Variants in ETV1 observed in about 807,000 individuals in gnomAD.
ETV1 encodes the protein ETS translocation variant 1.
ETV1 carries 27 observed loss-of-function variants against 62.3 expected under a neutral mutation model. The observed-to-expected ratio is 0.43, with a 90% CI of 0.32 to 0.60. The LOEUF is 0.60. Among genes scored for constraint, ETV1 ranks in the 20% least tolerant of loss-of-function variants. The pLI is 0.06. For missense variants in ETV1, 605 were observed against 605.8 expected, an observed-to-expected ratio of 1.00 and a Z score of 0.01; for synonymous variants, 222 against 199.6, an observed-to-expected ratio of 1.11 and a Z score of -0.94.
chr7:13,983,827 G>A (rs529014530), intron 5 of ETV1, among the ~76,000 whole-genome samples: 2 of 151,768 alleles, frequency 1.3e-5, no homozygotes, highest in Non-Finnish European at 3.0e-5. Flanking sequence ...TTTCTTGGTA[G>A]AATGCAAGTA....
chr7:13,978,402 C>A (rs1156455228), intron 5 of ETV1, among the ~76,000 whole-genome samples: 1 of 150,322 alleles, frequency 6.7e-6, no homozygotes, highest in African/African-American at 2.4e-5. Context: ...CATGCAAACA[C>A]ACACACACAC....
At position 13,988,100 on chromosome 7, in the gene ETV1, G is replaced by T; in HGVS notation, c.119C>A (p.Ala40Asp). 1 of 1,610,212 alleles carries T rather than the reference G, an allele frequency of 6.2e-7. No homozygotes were observed. Among genetic ancestry groups the T allele is most frequent in the Non-Finnish European group, 8.5e-7 (1 of 1,176,526 alleles). Residue 40 changes from alanine to aspartate, a missense_variant, in exon 4 of 14, where the codon GCT becomes GAT. Physicochemically the swap from Ala to Asp is moderately radical, Grantham distance 126. Transcript: ENST00000430479. ...TCAAACCTCACCTTCTGAATCATGAGCCAGATCTCTGTTAATGAATTTTCT... is the reference window on the plus strand; with the variant it reads ...TCAAACCTCACCTTCTGAATCATGATCCAGATCTCTGTTAATGAATTTTCT... ...RKRKFINRDLAHDSEELFQDL... is the reference protein window; with the variant it reads ...RKRKFINRDLDHDSEELFQDL...
chr7:13,943,297 A>T (rs1787776736), intron 6 of ETV1, among the ~76,000 whole-genome samples: 1 of 152,246 alleles, frequency 6.6e-6, no homozygotes, highest in Non-Finnish European at 1.5e-5. Context: ...ACATGAGATT[A>T]TCACTATATA....
intron 6 of ETV1, among the ~76,000 whole-genome samples, chr7:13,952,482 C>A (rs540525937): frequency 6.6e-6 from 1 of 152,050 alleles, no homozygotes; most frequent in Non-Finnish European, 1.5e-5. Flanking sequence ...GGGTGGCAAC[C>A]AATGTTCATA....
intron 6 of ETV1, among the ~76,000 whole-genome samples, chr7:13,964,957 G>A (rs1266883276): frequency 1.3e-5 from 2 of 152,026 alleles, no homozygotes; most frequent in African/African-American, 4.8e-5. Context: ...GTCTCAAGCT[G>A]CAGCTTTGAA....
intron 5 of ETV1, among the ~76,000 whole-genome samples, chr7:13,981,526 T>TACCTACATATATATATATAC (rs1385006590): frequency 7.5e-6 from 1 of 133,876 alleles, no homozygotes; most frequent in Non-Finnish European, 1.6e-5. Flanking sequence ...CATACATACA[T>TACCTACATATATATATATAC]ACATACATAT....
chr7:13,962,755 C>T (rs1213899062), intron 6 of ETV1, among the ~76,000 whole-genome samples: 1 of 152,094 alleles, frequency 6.6e-6, no homozygotes, highest in African/African-American at 2.4e-5. Context: ...GGATTGCCCA[C>T]TCCACCCTTG....
intron 5 of ETV1, chr7:13,986,429 C>A: frequency 4.7e-6 from 7 of 1,489,042 alleles, no homozygotes; most frequent in Non-Finnish European, 6.2e-6. Context: ...GAAGCAATTT[C>A]TCCTGGTAAT....
At chr7:13,901,146 A>G (rs1222338896) in intron 12 of ETV1, among the ~76,000 whole-genome samples, 1 of 152,110 alleles carries the variant, frequency 6.6e-6, no homozygotes, top group Admixed American at 6.5e-5. Flanking sequence ...GTGGGATTAC[A>G]GGTGGGCCCC....
chr7:13,923,889 G>A (rs113625378), intron 9 of ETV1, among the ~76,000 whole-genome samples: 8 of 152,058 alleles, frequency 5.3e-5, no homozygotes, highest in East Asian at 3.9e-4. Context: ...AAAATTAGCC[G>A]GGCATGGTGG....
At chr7:13,986,245 A>G in intron 5 of ETV1, 1 of 1,545,194 alleles carries the variant, frequency 6.5e-7, no homozygotes, top group Non-Finnish European at 8.7e-7. Flanking sequence ...ACACCAAATA[A>G]TGATATGCGC....
intron 6 of ETV1, among the ~76,000 whole-genome samples, chr7:13,955,486 C>CT (rs1789311748): frequency 6.6e-6 from 1 of 152,042 alleles, no homozygotes; most frequent in South Asian, 2.1e-4. Flanking sequence ...ATAATGAACT[C>CT]TAAGAGTCTC....
chr7:13,947,282 T>C (rs1176037670), intron 6 of ETV1, among the ~76,000 whole-genome samples: 1 of 151,996 alleles, frequency 6.6e-6, no homozygotes, highest in African/African-American at 2.4e-5. Context: ...GATGATGTCT[T>C]GTAAATTAAA....
intron 10 of ETV1, among the ~76,000 whole-genome samples, chr7:13,910,284 A>C (rs1031629089): frequency 1.3e-5 from 2 of 150,786 alleles, no homozygotes. Context: ...ATGCAAAATA[A>C]ATCAACAGCT....
chr7:13,976,728 C>T (rs1363441348), intron 6 of ETV1, among the ~76,000 whole-genome samples: 3 of 152,124 alleles, frequency 2.0e-5, no homozygotes, highest in Non-Finnish European at 4.4e-5. Context: ...CCCAAGGCAA[C>T]CACGTTTGTA....
At position 13,912,202 on chromosome 7, in the gene ETV1, T is replaced by C. The variant is rs189712849; in HGVS notation, c.803-895A>G. On this transcript the variant is annotated intron_variant, in intron 9 of 13. Transcript: ENST00000430479. ...CAGATAGGCTAAACTCTATTACATA[T>C]AAGTGTGACTAAATGCAGTCTTTCC... Among the ~76,000 whole-genome samples the C allele has an allele frequency of 2.0e-3, 304 of 152,256 alleles. 1 individual carries two copies. Among genetic ancestry groups the C allele is most frequent in the African/African-American group, 6.9e-3 (287 of 41,544 alleles).
chr7:13,908,841 G>T (rs1291688255), intron 11 of ETV1, among the ~76,000 whole-genome samples: 1 of 152,114 alleles, frequency 6.6e-6, no homozygotes. Context: ...TGTGCAATCA[G>T]TGAATCACAG....
intron 13 of ETV1, among the ~76,000 whole-genome samples, chr7:13,897,583 C>A (rs1012640416): frequency 6.6e-6 from 1 of 152,004 alleles, no homozygotes; most frequent in Non-Finnish European, 1.5e-5. Flanking sequence ...ACAGGAATGG[C>A]GCCTCAGAAA....
chr7:13,915,645 G>A (rs1348139054), intron 9 of ETV1, among the ~76,000 whole-genome samples: 4 of 152,098 alleles, frequency 2.6e-5, no homozygotes, highest in Admixed American at 6.5e-5. Context: ...AAGCCATCAC[G>A]TATATGCCAT....
Sources: allele counts gnomAD v4.1 joint callset (sites outside exome capture counted in the v4.1 genomes callset), GRCh38; gene constraint gnomAD v4.1.1; transcripts MANE v1.5; gene names NCBI Gene and HGNC (gene_info 2026-07-23, HGNC 2026-07-21).